GNG14: variants seen among roughly 807,000 people sequenced by gnomAD.
The protein encoded by GNG14 is G protein subunit gamma 14, also known as guanine nucleotide-binding protein G(I)/G(S)/G(O) subunit gamma-14.
For synonymous variants in GNG14, 44 were observed against 22.5 expected (o/e 1.96, Z -2.71); for missense variants, 103 against 53.6 (o/e 1.92, Z -2.87).
rs1051043753 is a variant in GNG14 at position 12,688,211 on chromosome 19, C to G, written c.163C>G (p.Leu55Val). 3 of 702,524 alleles carry G rather than the reference C, an allele frequency of 4.3e-6. No individual in the cohort carries two copies. The East Asian group carries it at 8.0e-5, about 19-fold the overall frequency. The allele number at this position is 702,524 out of a possible 1,614,324, so 43.5% of individuals were successfully genotyped here. Residue 55 changes from leucine to valine, a missense_variant, in exon 1 of 1, where the codon CTG becomes GTG. By Grantham distance (32) the Leu-to-Val change is conservative. Coordinates refer to ENST00000640151, the MANE Select transcript of GNG14 (RefSeq NM_001316692.2). ...EHMGQGTGAC[L>V]GLVWLNQLVC... ...CATGGGCCAGGGGACAGGTGCATGC[C>G]TGGGTCTGGTCTGGCTGAACCAGTT...
rs781358639 is a variant in GNG14 at position 12,688,125 on chromosome 19, G to A, written c.77G>A (p.Gly26Asp). Reference protein sequence around the residue: ...WAVEQLQMEAGIDQVKVRVGA... With the variant: ...WAVEQLQMEADIDQVKVRVGA... ...GTGGAGCAGCTCCAGATGGAGGCAGGCATCGACCAAGTGAAGGTGAGGGTC... is the reference window on the plus strand; with the variant it reads ...GTGGAGCAGCTCCAGATGGAGGCAGACATCGACCAAGTGAAGGTGAGGGTC... Residue 26 changes from glycine (G) to aspartate (D), a missense_variant, in exon 1 of 1, where the codon GGC becomes GAC. Physicochemically the swap from Gly to Asp is moderately conservative, Grantham distance 94 (BLOSUM62 -1). Coordinates refer to ENST00000640151, the MANE Select transcript of GNG14 (RefSeq NM_001316692.2). 2.8e-6 allele frequency: 2 copies of A among 702,418 alleles called. No homozygotes were observed. Among genetic ancestry groups the A allele is most frequent in the Non-Finnish European group, 2.6e-6 (1 of 384,800 alleles). 43.5% of individuals were successfully genotyped at this position (702,418 alleles called of 1,614,324 possible). A position where few individuals can be genotyped will look rare whatever the true frequency, so the allele number is the denominator to read the frequency against.
chr19:12,688,192 C>T lies in GNG14; in HGVS notation c.144C>T (p.Gly48=), dbSNP rs561527845. ...GCGGGAAGAGGTGGGAACACATGGG[C>T]CAGGGGACAGGTGCATGCCTGGGTC... is the stretch of plus-strand genomic sequence containing the variant. ...AGGGKRWEHM[G]QGTGACLGLV... Residue 48 remains glycine (G), a synonymous_variant, in exon 1 of 1, where the codon GGC becomes GGT. Coordinates refer to ENST00000640151, the MANE Select transcript of GNG14 (RefSeq NM_001316692.2). 4 of 702,636 alleles carry T rather than the reference C, an allele frequency of 5.7e-6. No homozygotes were observed. Among genetic ancestry groups the T allele is most frequent in the South Asian group, 4.4e-5 (3 of 67,600 alleles). The allele number at this position is 702,636 out of a possible 1,614,324, so 43.5% of individuals were successfully genotyped here. A position where few individuals can be genotyped will look rare whatever the true frequency, so the allele number is the denominator to read the frequency against.
Position 12,688,053 on chromosome 19 carries a change from C to T in GNG14, c.5C>T (p.Ser2Phe), listed in dbSNP as rs1233126843. The T allele has an allele frequency of 1.5e-6, 1 of 679,164 alleles. No homozygotes were observed. The highest frequency in any genetic ancestry group is 2.7e-6 in the Non-Finnish European group (1 of 370,742). The allele number at this position is 679,164 out of a possible 1,614,324, so 42.1% of individuals were successfully genotyped here. A position where few individuals can be genotyped will look rare whatever the true frequency, so the allele number is the denominator to read the frequency against. M[S>F]SKVAINSDIG... is the part of the protein sequence containing the mutation. ...CGGCCTGCCCACTTTACCCAGATGT[C>T]CAGCAAGGTGGCCATCAACAGTGAC... The change falls in exon 1 of 1, where the codon TCC (serine) becomes TTC (phenylalanine). Residue 2 changes from serine to phenylalanine, a missense_variant. Coordinates refer to ENST00000640151, the MANE Select transcript of GNG14 (RefSeq NM_001316692.2).
rs2024948942 is a variant in GNG14 at position 12,688,045 on chromosome 19, C to T, written c.-4C>T. ...GCTGCCCACGGCCTGCCCACTTTACCCAGATGTCCAGCAAGGTGGCCATCA... is the reference window on the plus strand; with the variant it reads ...GCTGCCCACGGCCTGCCCACTTTACTCAGATGTCCAGCAAGGTGGCCATCA... On this transcript the variant is annotated 5_prime_UTR_variant, in exon 1 of 1. Transcript: ENST00000640151. 1.0e-5 allele frequency: 7 copies of T among 673,904 alleles called. No individual in the cohort carries two copies. The highest frequency in any genetic ancestry group is 1.8e-5 in the African/African-American group (1 of 56,962). The allele number at this position is 673,904 out of a possible 1,614,324, so 41.7% of individuals were successfully genotyped here.
rs1373003938 is a variant in GNG14 at position 12,688,093 on chromosome 19, C to G, written c.45C>G (p.Leu15=). The G allele has an allele frequency of 1.4e-6, 1 of 700,028 alleles. No homozygotes were observed. Among genetic ancestry groups the G allele is most frequent in the Non-Finnish European group, 2.6e-6 (1 of 383,064 alleles). 43.4% of individuals were successfully genotyped at this position (700,028 alleles called of 1,614,324 possible). Reference sequence around the variant, plus strand: ...TCAACAGTGACATTGGGCAGGCCCTCTGGGCAGTGGAGCAGCTCCAGATGG... The same window carrying G: ...TCAACAGTGACATTGGGCAGGCCCTGTGGGCAGTGGAGCAGCTCCAGATGG... The part of the protein sequence containing the change: ...VAINSDIGQA[L]WAVEQLQMEA... Residue 15 remains leucine, a synonymous_variant, in exon 1 of 1, where the codon CTC becomes CTG. Coordinates refer to ENST00000640151, the MANE Select transcript of GNG14 (RefSeq NM_001316692.2).
In GNG14 at chr19:12,688,403, C is replaced by A. The variant is rs976071486; in HGVS notation, c.*31C>A. On this transcript the variant is annotated 3_prime_UTR_variant, in exon 1 of 1. Coordinates refer to ENST00000640151, the MANE Select transcript of GNG14 (RefSeq NM_001316692.2). ...GGGCAATGCCACCCTGTGGCCTGGG[C>A]AAACCAGGGGGCCTCAATAAACATG... is the stretch of plus-strand genomic sequence containing the variant. 8.6e-6 allele frequency: 6 copies of A among 698,826 alleles called. No homozygotes were observed. The highest frequency in any genetic ancestry group is 2.3e-4 in the Middle Eastern group (1 of 4,378). 43.3% of individuals were successfully genotyped at this position (698,826 alleles called of 1,614,324 possible). A position where few individuals can be genotyped will look rare whatever the true frequency, so the allele number is the denominator to read the frequency against.
chr19:12,688,159 T>A lies in GNG14; in HGVS notation c.111T>A (p.Ser37Arg). ...AAGTGAAGGTGAGGGTCGGGGCCAG[T>A]GCAGGAGGCGGGAAGAGGTGGGAAC... ...IDQVKVRVGA[S>R]AGGGKRWEHM... Residue 37 changes from serine to arginine, a missense_variant, in exon 1 of 1, where the codon AGT (serine) becomes AGA (arginine). Transcript: ENST00000640151. 1 of 702,642 alleles carries A rather than the reference T, an allele frequency of 1.4e-6. No individual in the cohort carries two copies. The allele number at this position is 702,642 out of a possible 1,614,324, so 43.5% of individuals were successfully genotyped here. A position where few individuals can be genotyped will look rare whatever the true frequency, so the allele number is the denominator to read the frequency against.
chr19:12,688,264 C>G lies in GNG14; in HGVS notation c.216C>G (p.Ala72=), dbSNP rs1486053898. The G allele has an allele frequency of 1.4e-6, 1 of 702,522 alleles. No homozygotes were observed. The highest frequency in any genetic ancestry group is 1.5e-5 in the South Asian group (1 of 67,600). 43.5% of individuals were successfully genotyped at this position (702,522 alleles called of 1,614,324 possible). A position where few individuals can be genotyped will look rare whatever the true frequency, so the allele number is the denominator to read the frequency against. The change falls in exon 1 of 1, where the codon GCC becomes GCG. Residue 72 remains alanine (A), a synonymous_variant. Coordinates refer to ENST00000640151, the MANE Select transcript of GNG14 (RefSeq NM_001316692.2). ...TCTGCAGGTGTCCAAAGATGGCCGC[C>G]GATCTGCTGAAGTTCTGCACGGAGC... ...QLVCRCPKMA[A]DLLKFCTEQA... is the part of the protein sequence containing the mutation.
rs1032794348 is a variant in GNG14 at position 12,688,012 on chromosome 19, T to A, written c.-37T>A. On this transcript the variant is annotated 5_prime_UTR_variant, in exon 1 of 1. The change creates a new upstream start codon in the 5' untranslated region. Coordinates refer to ENST00000640151, the MANE Select transcript of GNG14 (RefSeq NM_001316692.2). Reference sequence around the variant, plus strand: ...CTAGGCTCCCCCTAGGGGACTGAGGTTGGGCCTGCTGCCCACGGCCTGCCC... The same window carrying A: ...CTAGGCTCCCCCTAGGGGACTGAGGATGGGCCTGCTGCCCACGGCCTGCCC... 15 of 647,836 alleles carry A rather than the reference T, an allele frequency of 2.3e-5. No homozygotes were observed. The highest frequency in any genetic ancestry group is 3.9e-5 in the Non-Finnish European group (14 of 355,886). The allele number at this position is 647,836 out of a possible 1,614,324, so 40.1% of individuals were successfully genotyped here.
In GNG14 at chr19:12,688,256, A is replaced by T; in HGVS notation, c.208A>T (p.Met70Leu). The change falls in exon 1 of 1, where the codon ATG (methionine) becomes TTG (leucine). Residue 70 changes from methionine to leucine, a missense_variant. Physicochemically the swap from Met to Leu is conservative, Grantham distance 15 (BLOSUM62 2). Transcript: ENST00000640151. Reference protein sequence around the residue: ...LNQLVCRCPKMAADLLKFCTE... With the variant: ...LNQLVCRCPKLAADLLKFCTE... ...CCAGTTGGTCTGCAGGTGTCCAAAG[A>T]TGGCCGCCGATCTGCTGAAGTTCTG... 1.4e-6 allele frequency: 1 copy of T among 702,458 alleles called. No homozygotes were observed. 43.5% of individuals were successfully genotyped at this position (702,458 alleles called of 1,614,324 possible).
chr19:12,688,220 G>C lies in GNG14; in HGVS notation c.172G>C (p.Val58Leu). 2 of 702,612 alleles carry C rather than the reference G, an allele frequency of 2.8e-6. No homozygotes were observed. Among genetic ancestry groups the C allele is most frequent in the Non-Finnish European group, 5.2e-6 (2 of 384,992 alleles). The allele number at this position is 702,612 out of a possible 1,614,324, so 43.5% of individuals were successfully genotyped here. A position where few individuals can be genotyped will look rare whatever the true frequency, so the allele number is the denominator to read the frequency against. The part of the protein sequence containing the change: ...GQGTGACLGL[V>L]WLNQLVCRCP... ...GGGGACAGGTGCATGCCTGGGTCTGGTCTGGCTGAACCAGTTGGTCTGCAG... is the reference window on the plus strand; with the variant it reads ...GGGGACAGGTGCATGCCTGGGTCTGCTCTGGCTGAACCAGTTGGTCTGCAG... The change falls in exon 1 of 1, where the codon GTC (valine) becomes CTC (leucine). Residue 58 changes from valine to leucine, a missense_variant. Val to Leu is a conservative substitution (Grantham distance 32, BLOSUM62 1). Transcript: ENST00000640151.
chr19:12,688,206 C>T lies in GNG14; in HGVS notation c.158C>T (p.Ala53Val), dbSNP rs1287706540. Reference protein sequence around the residue: ...RWEHMGQGTGACLGLVWLNQL... With the variant: ...RWEHMGQGTGVCLGLVWLNQL... The stretch of plus-strand genomic sequence containing the variant: ...GAACACATGGGCCAGGGGACAGGTG[C>T]ATGCCTGGGTCTGGTCTGGCTGAAC... The change falls in exon 1 of 1, where the codon GCA becomes GTA. Residue 53 changes from alanine to valine, a missense_variant. By Grantham distance (64) the Ala-to-Val change is moderately conservative. Coordinates refer to ENST00000640151, the MANE Select transcript of GNG14 (RefSeq NM_001316692.2). 9 of 702,508 alleles carry T rather than the reference C, an allele frequency of 1.3e-5. No individual in the cohort carries two copies. Among genetic ancestry groups the T allele is most frequent in the African/African-American group, 1.2e-4 (7 of 57,244 alleles). The allele number at this position is 702,508 out of a possible 1,614,324, so 43.5% of individuals were successfully genotyped here. A position where few individuals can be genotyped will look rare whatever the true frequency, so the allele number is the denominator to read the frequency against.
chr19:12,688,024 C>T lies in GNG14; in HGVS notation c.-25C>T. ...TAGGGGACTGAGGTTGGGCCTGCTG[C>T]CCACGGCCTGCCCACTTTACCCAGA... On this transcript the variant is annotated 5_prime_UTR_variant, in exon 1 of 1. Coordinates refer to ENST00000640151, the MANE Select transcript of GNG14 (RefSeq NM_001316692.2). 1 of 655,796 alleles carries T rather than the reference C, an allele frequency of 1.5e-6. No homozygotes were observed. The highest frequency in any genetic ancestry group is 2.1e-5 in the Admixed American group (1 of 47,356). The allele number at this position is 655,796 out of a possible 1,614,324, so 40.6% of individuals were successfully genotyped here.
In GNG14 at chr19:12,688,297, G is replaced by A; in HGVS notation, c.249G>A (p.Lys83=). The part of the protein sequence containing the change: ...DLLKFCTEQA[K]NDPFLVGIPA... ...TGAAGTTCTGCACGGAGCAGGCCAA[G>A]AATGACCCCTTCCTTGTGGGCATCC... Residue 83 remains lysine (K), a synonymous_variant, in exon 1 of 1, where the codon AAG becomes AAA. Transcript: ENST00000640151. The A allele has an allele frequency of 1.4e-6, 1 of 702,604 alleles. No individual in the cohort carries two copies. Among genetic ancestry groups the A allele is most frequent in the Non-Finnish European group, 2.6e-6 (1 of 384,994 alleles). The allele number at this position is 702,604 out of a possible 1,614,324, so 43.5% of individuals were successfully genotyped here.
rs919101378 is a variant in GNG14, at chr19:12,688,082, G to A, written c.34G>A (p.Gly12Arg). 8 of 695,562 alleles carry A rather than the reference G, an allele frequency of 1.2e-5. No individual in the cohort carries two copies. Among genetic ancestry groups the A allele is most frequent in the East Asian group, 2.7e-5 (1 of 37,140 alleles). The allele number at this position is 695,562 out of a possible 1,614,324, so 43.1% of individuals were successfully genotyped here. ...CAAGGTGGCCATCAACAGTGACATT[G>A]GGCAGGCCCTCTGGGCAGTGGAGCA... ...SSKVAINSDI[G>R]QALWAVEQLQ... The change falls in exon 1 of 1, where the codon GGG (glycine) becomes AGG (arginine). Residue 12 changes from glycine to arginine, a missense_variant. By Grantham distance (125) the Gly-to-Arg change is moderately radical. Transcript: ENST00000640151.
At position 12,688,409 on chromosome 19, in the gene GNG14, AG is replaced by A. The variant is rs766118293; in HGVS notation, c.*42del. ...TGCCACCCTGTGGCCTGGGCAAACCAGGGGGCCTCAATAAACATGAAGTGAA... is the reference window on the plus strand; with the variant it reads ...TGCCACCCTGTGGCCTGGGCAAACCAGGGGCCTCAATAAACATGAAGTGAA... On this transcript the variant is annotated 3_prime_UTR_variant, in exon 1 of 1. Coordinates refer to ENST00000640151, the MANE Select transcript of GNG14 (RefSeq NM_001316692.2). 2.9e-6 allele frequency: 2 copies of A among 697,098 alleles called. No individual in the cohort carries two copies. The highest frequency in any genetic ancestry group is 1.8e-5 in the African/African-American group (1 of 57,068). 43.2% of individuals were successfully genotyped at this position (697,098 alleles called of 1,614,324 possible).
In GNG14 at chr19:12,688,205, G is replaced by A. The variant is rs2024951614; in HGVS notation, c.157G>A (p.Ala53Thr). 2 of 702,548 alleles carry A rather than the reference G, an allele frequency of 2.8e-6. No homozygotes were observed. Among genetic ancestry groups the A allele is most frequent in the African/African-American group, 1.7e-5 (1 of 57,256 alleles). The allele number at this position is 702,548 out of a possible 1,614,324, so 43.5% of individuals were successfully genotyped here. The change falls in exon 1 of 1, where the codon GCA (alanine) becomes ACA (threonine). Residue 53 changes from alanine (A) to threonine (T), a missense_variant. Ala to Thr is a moderately conservative substitution (Grantham distance 58). Transcript: ENST00000640151. ...RWEHMGQGTG[A>T]CLGLVWLNQL... ...GGAACACATGGGCCAGGGGACAGGT[G>A]CATGCCTGGGTCTGGTCTGGCTGAA...
rs2024952909 is a variant in GNG14 at position 12,688,320 on chromosome 19, T to A, written c.272T>A (p.Ile91Asn). The A allele has an allele frequency of 1.4e-6, 1 of 702,512 alleles. No homozygotes were observed. Among genetic ancestry groups the A allele is most frequent in the African/African-American group, 1.7e-5 (1 of 57,360 alleles). The allele number at this position is 702,512 out of a possible 1,614,324, so 43.5% of individuals were successfully genotyped here. Residue 91 changes from isoleucine (I) to asparagine (N), a missense_variant, in exon 1 of 1, where the codon ATC (isoleucine) becomes AAC (asparagine). By Grantham distance (149) the Ile-to-Asn change is moderately radical. Transcript: ENST00000640151. ...AAGAATGACCCCTTCCTTGTGGGCATCCCGGCCGCCACCAACTCCTTCAAG... is the reference window on the plus strand; with the variant it reads ...AAGAATGACCCCTTCCTTGTGGGCAACCCGGCCGCCACCAACTCCTTCAAG... Reference protein sequence around the residue: ...QAKNDPFLVGIPAATNSFKEK... With the variant: ...QAKNDPFLVGNPAATNSFKEK...
Position 12,688,265 on chromosome 19 carries a change from G to A in GNG14, c.217G>A (p.Asp73Asn), listed in dbSNP as rs1190214438. ...CTGCAGGTGTCCAAAGATGGCCGCC[G>A]ATCTGCTGAAGTTCTGCACGGAGCA... ...LVCRCPKMAA[D>N]LLKFCTEQAK... The change falls in exon 1 of 1, where the codon GAT (aspartate) becomes AAT (asparagine). Residue 73 changes from aspartate to asparagine, a missense_variant. Asp to Asn is a conservative substitution (Grantham distance 23). Coordinates refer to ENST00000640151, the MANE Select transcript of GNG14 (RefSeq NM_001316692.2). 7 of 702,434 alleles carry A rather than the reference G, an allele frequency of 1.0e-5. No homozygotes were observed. In the Admixed American group the frequency reaches 1.0e-4, roughly 10 times the overall value. The allele number at this position is 702,434 out of a possible 1,614,324, so 43.5% of individuals were successfully genotyped here. A position where few individuals can be genotyped will look rare whatever the true frequency, so the allele number is the denominator to read the frequency against.
Sources: gnomAD v4.1 joint callset for allele counts on GRCh38, gnomAD v4.1.1 for gene constraint, MANE v1.5 for transcripts, NCBI Gene and HGNC (gene_info 2026-07-23, HGNC 2026-07-21) for gene names.